The following POLK variants were observed in gnomAD, a reference collection of about 807,000 sequenced individuals.
POLK encodes polymerase (DNA directed) kappa.
In POLK, 76 loss-of-function variants were observed where a neutral mutation model predicts 94.0. The ratio of observed to expected loss-of-function variants is 0.81; its 90% confidence interval spans 0.67 to 0.98. The LOEUF is 0.98. Ranked by LOEUF, POLK falls within the 50% of genes least tolerant of loss-of-function variation. POLK has a pLI of 0.00. For synonymous variants in POLK, 349 were observed against 325.4 expected, an observed-to-expected ratio of 1.07 and a Z score of -0.78; for missense variants, 954 against 1,010.1, an observed-to-expected ratio of 0.94 and a Z score of 0.75.
rs887687373 is a variant in POLK, at chr5:75,529,660, A to G, written c.-13-17350A>G. Among the ~76,000 whole-genome samples, 3 of 152,194 alleles carry G rather than the reference A, an allele frequency of 2.0e-5. No individual in the cohort carries two copies. In the South Asian group the frequency reaches 6.2e-4, roughly 32 times the overall value. On this transcript the variant is annotated intron_variant, in intron 1 of 14. Transcript: ENST00000241436. Reference sequence around the variant, plus strand: ...GATTTTTTAAAAAAATTTTTTATATAGAGTGTGTTGAATACACAGATGTGG... The same window carrying G: ...GATTTTTTAAAAAAATTTTTTATATGGAGTGTGTTGAATACACAGATGTGG...
At position 75,596,587 on chromosome 5, in the gene POLK, G is replaced by C. The variant is rs1464659304; in HGVS notation, c.1894G>C (p.Gly632Arg). ...CTGTCCTGTTTGCTTTAGGGCTCAA[G>C]GGTGCATCAGTCTGGAAGCCTTGAA... is the stretch of plus-strand genomic sequence containing the variant. The change falls in exon 13 of 15, where the codon GGG becomes CGG. Residue 632 changes from glycine to arginine, a missense_variant. Coordinates refer to ENST00000241436, the Ensembl canonical transcript of POLK. The C allele has an allele frequency of 1.9e-6, 3 of 1,613,904 alleles. No individual in the cohort carries two copies. In the South Asian group the frequency reaches 3.3e-5, roughly 18 times the overall value.
intron 1 of POLK, among the ~76,000 whole-genome samples, chr5:75,541,935 A>G (rs898547462): frequency 2.6e-5 from 4 of 152,210 alleles, no homozygotes; most frequent in African/African-American, 7.2e-5. Context: ...TGAAATTTCA[A>G]AAAGTATTTT....
At chr5:75,592,213 A>G (rs1014347381) in intron 11 of POLK, among the ~76,000 whole-genome samples, 17 of 152,210 alleles carry the variant, frequency 1.1e-4, no homozygotes, top group Non-Finnish European at 2.9e-5. Context: ...TGTAAAGGGA[A>G]TTCTTACATT....
At chr5:75,563,048 C>A (rs1356897717) in intron 3 of POLK, among the ~76,000 whole-genome samples, 1 of 152,146 alleles carries the variant, frequency 6.6e-6, no homozygotes, top group Non-Finnish European at 1.5e-5. Context: ...CGGGGAGTCC[C>A]TCTTTTTCTG....
At chr5:75,590,658 G>T (rs1468621378) in intron 11 of POLK, 3 of 523,800 alleles carry the variant, frequency 5.7e-6, no homozygotes, top group Admixed American at 3.1e-5. Context: ...CACCTTATGA[G>T]AATAGAGTGG....
chr5:75,517,581 C>T (rs1230828619), intron 1 of POLK, among the ~76,000 whole-genome samples: 1 of 152,088 alleles, frequency 6.6e-6, no homozygotes, highest in Non-Finnish European at 1.5e-5. Context: ...ATTATGTTGC[C>T]TACAAAGATA....
intron 1 of POLK, among the ~76,000 whole-genome samples, chr5:75,538,898 G>A (rs1231404222): frequency 1.3e-5 from 2 of 152,110 alleles, no homozygotes; most frequent in South Asian, 2.1e-4. Flanking sequence ...AGCCTCCTGA[G>A]TAGCTGGGAT....
chr5:75,536,231 T>G (rs529497204), intron 1 of POLK, among the ~76,000 whole-genome samples: 1 of 152,308 alleles, frequency 6.6e-6, no homozygotes, highest in South Asian at 2.1e-4. Flanking sequence ...CGCTCTCTGA[T>G]TACTTTCTCT....
intron 1 of POLK, 25 bp from the exon 2 acceptor site, chr5:75,546,985 A>C (rs758193722): frequency 1.5e-6 from 2 of 1,325,886 alleles, no homozygotes; most frequent in South Asian, 3.3e-5. Flanking sequence ...TTTTAAAAGC[A>C]GTGTTTATCT....
chr5:75,590,367 C>A, exon 11 of POLK: 1 of 1,594,670 alleles, frequency 6.3e-7, no homozygotes, highest in Non-Finnish European at 8.6e-7. Context: ...ATAAATAAAG[C>A]GGAAGAGCAA....
At chr5:75,543,232 G>A (rs1384292059) in intron 1 of POLK, among the ~76,000 whole-genome samples, 1 of 150,882 alleles carries the variant, frequency 6.6e-6, no homozygotes, top group African/African-American at 2.4e-5. Context: ...AGTAGAGAGG[G>A]TTTCACCATT....
At chr5:75,512,076 G>A (rs909558530) in intron 1 of POLK, 162 bp downstream of exon 1, 44 of 336,734 alleles carry the variant, frequency 1.3e-4, no homozygotes, top group Middle Eastern at 8.2e-4. Context: ...ACGTGAGAGA[G>A]CTTTCCGCTG....
At chr5:75,587,001 A>T (rs780722625) in intron 9 of POLK, 25 bp from the exon 10 acceptor site, 4 of 1,529,722 alleles carry the variant, frequency 2.6e-6, no homozygotes, top group Non-Finnish European at 2.7e-6. Flanking sequence ...TTTGAAAAAT[A>T]AAGACCTTTT....
At chr5:75,511,799 G>A (rs1334718445) in exon 1 of POLK, 2 of 1,551,548 alleles carry the variant, frequency 1.3e-6, no homozygotes. Context: ...AAAGCAGGAG[G>A]AGCGGAGAAA....
At chr5:75,566,446 C>T (rs557645677) in intron 3 of POLK, among the ~76,000 whole-genome samples, 1 of 152,320 alleles carries the variant, frequency 6.6e-6, no homozygotes, top group African/African-American at 2.4e-5. Context: ...TCAGTGTCTG[C>T]CCAAATGGCC....
chr5:75,566,310 C>A (rs984598753), intron 3 of POLK, among the ~76,000 whole-genome samples: 1 of 152,174 alleles, frequency 6.6e-6, no homozygotes, highest in Non-Finnish European at 1.5e-5. Context: ...GCTCCGTGGG[C>A]GTGGGATCCG....
intron 3 of POLK, among the ~76,000 whole-genome samples, chr5:75,563,161 C>T (rs941241948): frequency 6.6e-6 from 1 of 152,064 alleles, no homozygotes; most frequent in Non-Finnish European, 1.5e-5. Flanking sequence ...GGGGTTTCTC[C>T]ATGTTGGTCA....
At chr5:75,564,254 T>TCTTTCTTTC (rs201450094) in intron 3 of POLK, among the ~76,000 whole-genome samples, 1 of 152,020 alleles carries the variant, frequency 6.6e-6, no homozygotes, top group Non-Finnish European at 1.5e-5. Flanking sequence ...TTCTTTCTTT[T>TCTTTCTTTC]CTTTCTTTCC....
At chr5:75,596,466 A>G in exon 13 of POLK, 2 of 1,613,926 alleles carry the variant, frequency 1.2e-6, no homozygotes, top group Non-Finnish European at 1.7e-6. Flanking sequence ...TGAATAAACA[A>G]AGTTTCCAGA....
Sources: allele counts gnomAD v4.1 joint callset (sites outside exome capture counted in the v4.1 genomes callset), GRCh38; gene constraint gnomAD v4.1.1; transcripts MANE v1.5; gene names NCBI Gene and HGNC (gene_info 2026-07-23, HGNC 2026-07-21).